The following REPS1 variants were observed in gnomAD, a reference collection of about 807,000 sequenced individuals.
REPS1 encodes RALBP1 associated Eps domain containing 1.
In REPS1, 39 loss-of-function variants were observed where a neutral mutation model predicts 100.9. The observed-to-expected ratio is 0.39, with a 90% CI of 0.30 to 0.50. The LOEUF is 0.50. Ranked by LOEUF, REPS1 falls within the 20% of genes least tolerant of loss-of-function variation. The pLI is 0.86. For missense variants in REPS1, 821 were observed against 968.5 expected (o/e 0.85, Z 2.02); for synonymous variants, 324 against 340.3 (o/e 0.95, Z 0.53).
chr6:138,975,643 G>A (rs1784560779), intron 1 of REPS1, among the ~76,000 whole-genome samples: 1 of 152,102 alleles, frequency 6.6e-6, no homozygotes, highest in African/African-American at 2.4e-5. Flanking sequence ...GACCAGCCTG[G>A]CCAACATGAT....
chr6:138,933,607 A>T (rs1582764909), intron 8 of REPS1, among the ~76,000 whole-genome samples: 1 of 152,252 alleles, frequency 6.6e-6, no homozygotes, highest in South Asian at 2.1e-4. Context: ...GTGGAAGCAA[A>T]TATGACAATT....
chr6:138,935,394 TA>T (rs1167770028), intron 8 of REPS1, among the ~76,000 whole-genome samples: 3 of 152,176 alleles, frequency 2.0e-5, no homozygotes, highest in African/African-American at 7.2e-5. Context: ...ACCTACAATA[TA>T]TAGGAGGTTC....
At chr6:138,911,243 CA>C (rs1201183311) in intron 17 of REPS1, 32 bp downstream of exon 17, 2 of 1,380,044 alleles carry the variant, frequency 1.4e-6, no homozygotes, top group Non-Finnish European at 2.1e-6. Flanking sequence ...TTATGATGTA[CA>C]AAATTATTAT....
At chr6:138,934,904 G>A (rs952640610) in intron 8 of REPS1, among the ~76,000 whole-genome samples, 1 of 152,022 alleles carries the variant, frequency 6.6e-6, no homozygotes, top group African/African-American at 2.4e-5. Context: ...AAAAACAATC[G>A]AGTGTTCATG....
chr6:138,984,790 T>C (rs771657410), intron 1 of REPS1, among the ~76,000 whole-genome samples: 32 of 152,170 alleles, frequency 2.1e-4, no homozygotes, highest in Non-Finnish European at 4.6e-4. Context: ...TACCACTCCC[T>C]GTTACCTACA....
In REPS1 at chr6:138,920,330, A is replaced by G; in HGVS notation, c.1427-14T>C. 7.5e-7 allele frequency: 1 copy of G among 1,338,268 alleles called. No individual in the cohort carries two copies. The highest frequency in any genetic ancestry group is 1.2e-5 in the South Asian group (1 of 85,160). The allele number at this position is 1,338,268 out of a possible 1,614,324, so 82.9% of individuals were successfully genotyped here. A position where few individuals can be genotyped will look rare whatever the true frequency, so the allele number is the denominator to read the frequency against. ...GATTTGTATGATCTAATAGAGAATT[A>G]ATAGGTAAAAATACAAGACATAGGT... is the stretch of plus-strand genomic sequence containing the variant. On this transcript the variant is annotated splice_polypyrimidine_tract_variant and intron_variant, in intron 11 of 19. Coordinates refer to ENST00000450536, the MANE Select transcript of REPS1 (RefSeq NM_001286611.2).
intron 1 of REPS1, among the ~76,000 whole-genome samples, chr6:138,987,013 T>C (rs765824895): frequency 1.3e-5 from 2 of 152,180 alleles, no homozygotes; most frequent in Non-Finnish European, 2.9e-5. Flanking sequence ...AACTACTAAG[T>C]AGTTCACATT....
intron 1 of REPS1, among the ~76,000 whole-genome samples, chr6:138,972,918 A>G (rs1375449376): frequency 1.3e-5 from 2 of 152,212 alleles, no homozygotes; most frequent in Admixed American, 6.5e-5. Flanking sequence ...TAAAATGAAG[A>G]GGCTAGGCTA....
At chr6:138,940,574 A>G (rs113946892) in intron 8 of REPS1, among the ~76,000 whole-genome samples, 8,243 of 151,786 alleles carry the variant, frequency 0.054, 333 homozygotes, top group Non-Finnish European at 0.084. Flanking sequence ...GTGAAACCCT[A>G]TCTCTACTAA....
chr6:138,905,332 C>T (rs765797883), intron 19 of REPS1, among the ~76,000 whole-genome samples, 200 bp from the exon 20 acceptor site: 1 of 152,164 alleles, frequency 6.6e-6, no homozygotes, highest in Non-Finnish European at 1.5e-5. Context: ...TCGCCCAGGC[C>T]GGACTGCGGA....
chr6:138,945,272 C>T lies in REPS1; in HGVS notation c.575G>A (p.Arg192Lys). ...SRHPSGGNSE[R>K]PLAGPGPFWS... is the part of the protein sequence containing the mutation. ...AAATGGCCCAGGTCCCGCGAGAGGC[C>T]TCTCACTATTCCCACCGCTGGGATG... Residue 192 changes from arginine to lysine, a missense_variant, in exon 4 of 20, where the codon AGG becomes AAG. Arg to Lys is a conservative substitution (Grantham distance 26). Transcript: ENST00000450536. The T allele has an allele frequency of 6.2e-7, 1 of 1,611,474 alleles. No individual in the cohort carries two copies. Among genetic ancestry groups the T allele is most frequent in the Non-Finnish European group, 8.5e-7 (1 of 1,179,534 alleles).
intron 1 of REPS1, among the ~76,000 whole-genome samples, chr6:138,952,015 A>G (rs1047124583): frequency 2.0e-5 from 3 of 152,040 alleles, no homozygotes; most frequent in South Asian, 2.1e-4. Context: ...TAGATTTCTA[A>G]CTCACCAAGG....
At chr6:138,955,457 AGTGTGTGT>A (rs1554294151) in intron 1 of REPS1, among the ~76,000 whole-genome samples, 8 of 90,734 alleles carry the variant, frequency 8.8e-5, no homozygotes, top group East Asian at 4.8e-4. Flanking sequence ...AAAAAAAAAA[AGTGTGTGT>A]GTGTGTGTGT....
At chr6:138,961,057 T>C (rs1420634322) in intron 1 of REPS1, among the ~76,000 whole-genome samples, 1 of 152,154 alleles carries the variant, frequency 6.6e-6, no homozygotes, top group African/African-American at 2.4e-5. Flanking sequence ...AGTCAGCTAT[T>C]CTTTCAAGAA....
At chr6:138,950,597 C>A (rs11961567) in intron 1 of REPS1, among the ~76,000 whole-genome samples, 13,030 of 152,130 alleles carry the variant, frequency 0.086, 1,160 homozygotes, top group African/African-American at 0.22. Context: ...CTTATGTTAC[C>A]GTTTTGTATG....
At chr6:138,936,200 C>CT (rs1341926230) in intron 8 of REPS1, among the ~76,000 whole-genome samples, 2 of 150,892 alleles carry the variant, frequency 1.3e-5, no homozygotes, top group African/African-American at 2.4e-5. Context: ...AAATCATAAT[C>CT]TTTTTTTTTA....
At chr6:138,955,507 TA>T (rs1192771404) in intron 1 of REPS1, among the ~76,000 whole-genome samples, 1 of 130,278 alleles carries the variant, frequency 7.7e-6, no homozygotes, top group Non-Finnish European at 1.6e-5. Flanking sequence ...AGTCAAGTAC[TA>T]AAAACTATGA....
chr6:138,938,860 T>G (rs920275487), intron 8 of REPS1, among the ~76,000 whole-genome samples: 1 of 151,960 alleles, frequency 6.6e-6, no homozygotes, highest in Non-Finnish European at 1.5e-5. Flanking sequence ...ATTTTTTTTT[T>G]TTTTTTAGAT....
At position 138,941,490 on chromosome 6, in the gene REPS1, C is replaced by G; in HGVS notation, c.981-1G>C. On this transcript the variant is annotated splice_acceptor_variant, in intron 7 of 19. Transcript: ENST00000450536. LOFTEE classifies it high-confidence loss of function. Reference sequence around the variant, plus strand: ...ATCTTTATCAAAGTCTGAGAGTTCCCTAGAAGATAAGTTTATTGTGAATAT... The same window carrying G: ...ATCTTTATCAAAGTCTGAGAGTTCCGTAGAAGATAAGTTTATTGTGAATAT... The G allele has an allele frequency of 6.2e-7, 1 of 1,612,830 alleles. No homozygotes were observed. Among genetic ancestry groups the G allele is most frequent in the Non-Finnish European group, 8.5e-7 (1 of 1,179,146 alleles).
Sources: allele counts gnomAD v4.1 joint callset (sites outside exome capture counted in the v4.1 genomes callset), GRCh38; gene constraint gnomAD v4.1.1; transcripts MANE v1.5; gene names NCBI Gene and HGNC (gene_info 2026-07-23, HGNC 2026-07-21).